ACTR8: variants seen among roughly 807,000 people sequenced by gnomAD.
ACTR8 encodes actin-related protein 8.
Under a neutral mutation model 84.3 loss-of-function variants are expected in ACTR8, and 70 were observed. The ratio of observed to expected loss-of-function variants is 0.83; its 90% CI spans 0.68 to 1.01. ACTR8 has a LOEUF of 1.01. Ranked by LOEUF, ACTR8 falls within the 50% of genes least tolerant of loss-of-function variation. The pLI is 0.00. For synonymous variants in ACTR8, 268 were observed against 275.2 expected, an observed-to-expected ratio of 0.97 and a Z score of 0.26; for missense variants, 672 against 775.4, an observed-to-expected ratio of 0.87 and a Z score of 1.58.
At chr3:53,874,904 ATCTGAGAAACCCAATACT>A in intron 7 of ACTR8, among the ~76,000 whole-genome samples, 1 of 152,228 alleles carries the variant, frequency 6.6e-6, no homozygotes, top group Non-Finnish European at 1.5e-5. Context: ...TGCAAAATGT[ATCTGAGAAACCCAATACT>A]CACCCATTAA....
rs1434252794 is a variant in ACTR8, at chr3:53,870,582, C to T, written c.1568-437G>A. Among the ~76,000 whole-genome samples, 2 of 152,136 alleles carry T rather than the reference C, an allele frequency of 1.3e-5. No homozygotes were observed. The highest frequency in any genetic ancestry group is 4.8e-5 in the African/African-American group (2 of 41,440). Reference sequence around the variant, plus strand: ...AGGAGAATCACTTGAACCCAGGAGGCAGAGGTTGTGGTGAGCCGCAATCAC... The same window carrying T: ...AGGAGAATCACTTGAACCCAGGAGGTAGAGGTTGTGGTGAGCCGCAATCAC... On this transcript the variant is annotated intron_variant, in intron 11 of 12. Transcript: ENST00000335754. This position sits in a 1 kb window ranked among gnomAD's most constrained non-coding sequence, Gnocchi z 4.1.
At chr3:53,859,280 A>C in the ACTR8 span, 4 of 153,434 alleles carry the variant, frequency 2.6e-5, no homozygotes, top group East Asian at 7.7e-4. Flanking sequence ...CTAGTGCCTG[A>C]GAACAGCATG....
chr3:53,876,560 T>C, intron 6 of ACTR8, 60 bp downstream of exon 6: 1 of 937,482 alleles, frequency 1.1e-6, no homozygotes, highest in Non-Finnish European at 1.7e-6. Context: ...TAAGATTAAC[T>C]CTGTCATTAA....
At chr3:53,881,317 C>T (rs1393695306) in intron 1 of ACTR8, among the ~76,000 whole-genome samples, 1 of 152,186 alleles carries the variant, frequency 6.6e-6, no homozygotes, top group African/African-American at 2.4e-5. Flanking sequence ...TACGTGAATG[C>T]TGTTTTAGTT....
intron 8 of ACTR8, among the ~76,000 whole-genome samples, chr3:53,873,527 CATTG>C (rs879769021): frequency 2.0e-5 from 3 of 152,178 alleles, no homozygotes; most frequent in African/African-American, 4.8e-5. Flanking sequence ...AATGATTAAA[CATTG>C]ATTGTTTGCA....
intron 7 of ACTR8, 139 bp from the exon 8 acceptor site, chr3:53,874,503 T>C: frequency 1.2e-6 from 1 of 816,142 alleles, no homozygotes; most frequent in South Asian, 2.1e-5. Flanking sequence ...GATGAGCAGA[T>C]CACTTGAGGC....
At chr3:53,877,487 G>A (rs1433813747) in intron 4 of ACTR8, 100 bp from the exon 5 acceptor site, 1 of 1,368,820 alleles carries the variant, frequency 7.3e-7, no homozygotes, top group African/African-American at 1.5e-5. Flanking sequence ...CTGAATGTGA[G>A]AAATGTTGAG....
rs1279099158 is a variant in ACTR8, at chr3:53,880,006, G to A, written c.227C>T (p.Ala76Val). 3 of 1,614,134 alleles carry A rather than the reference G, an allele frequency of 1.9e-6. No homozygotes were observed. Among genetic ancestry groups the A allele is most frequent in the Non-Finnish European group, 2.5e-6 (3 of 1,180,002 alleles). Residue 76 changes from alanine to valine, a missense_variant, in exon 2 of 13, where the codon GCC becomes GTC. By Grantham distance (64) the Ala-to-Val change is moderately conservative. Transcript: ENST00000335754. The part of the protein sequence containing the change: ...TLPASIPHVI[A>V]RRHKQQGQPL... ...CTGCCCTTGTTGTTTGTGTCTTCGG[G>A]CAATGACGTGAGGAATGCTGGCAGG...
intron 5 of ACTR8, 141 bp downstream of exon 5, chr3:53,877,073 T>A: frequency 1.4e-6 from 1 of 730,646 alleles, no homozygotes; most frequent in Non-Finnish European, 2.0e-6. Flanking sequence ...AGAAAAGACA[T>A]CCTCATGCCA....
At chr3:53,862,998 G>GC (rs1699620502), downstream of ACTR8, among the ~76,000 whole-genome samples, 1 of 152,084 alleles carries the variant, frequency 6.6e-6, no homozygotes, top group Non-Finnish European at 1.5e-5. Flanking sequence ...TTCCTCGTCA[G>GC]CCTACTCAAC....
chr3:53,876,510 C>A (rs886732906), intron 6 of ACTR8, 110 bp downstream of exon 6: 21 of 711,996 alleles, frequency 2.9e-5, no homozygotes, highest in Non-Finnish European at 2.3e-6. Context: ...CAGAGAGAGA[C>A]TCTGTCTCAA....
intron 1 of ACTR8, chr3:53,881,555 A>T (rs1215585686): frequency 7.8e-6 from 2 of 255,694 alleles, no homozygotes; most frequent in African/African-American, 4.7e-5. Flanking sequence ...CTGGACCCCA[A>T]ACTATCCCTT....
Position 53,874,291 on chromosome 3 carries a change from A to G in ACTR8, c.985T>C (p.Tyr329His), listed in dbSNP as rs1699934236. 1.9e-6 allele frequency: 3 copies of G among 1,614,182 alleles called. No individual in the cohort carries two copies. In the South Asian group the frequency reaches 3.3e-5, roughly 18 times the overall value. ...YWLMQRAGFP[Y>H]RECQLTNKMD... ...TTATTTGTTAACTGGCATTCTCTGT[A>G]AGGGAACCCAGCTCGCTGCATTAGC... The change falls in exon 8 of 13, where the codon TAC (tyrosine) becomes CAC (histidine). Residue 329 changes from tyrosine to histidine, a missense_variant. Physicochemically the swap from Tyr to His is moderately conservative, Grantham distance 83. Transcript: ENST00000335754.
Position 53,879,926 on chromosome 3 carries a change from GT to G in ACTR8, c.294+12del, listed in dbSNP as rs758567679. The G allele has an allele frequency of 1.7e-5, 27 of 1,598,248 alleles. No homozygotes were observed. The South Asian group carries it at 2.6e-4, about 15-fold the overall frequency. On this transcript the variant is annotated intron_variant, in intron 2 of 12. Coordinates refer to ENST00000335754, the MANE Select transcript of ACTR8 (RefSeq NM_022899.5). Reference sequence around the variant, plus strand: ...CAACCTTAGGCTTTCTCTCCAGGTCGTTTTTGACTTACATTTAGTCCCTCCC... The same window carrying G: ...CAACCTTAGGCTTTCTCTCCAGGTCGTTTTGACTTACATTTAGTCCCTCCC...
chr3:53,879,206 C>G (rs1700023830), intron 2 of ACTR8, among the ~76,000 whole-genome samples: 1 of 152,072 alleles, frequency 6.6e-6, no homozygotes, highest in Non-Finnish European at 1.5e-5. Flanking sequence ...ATTATAAGAT[C>G]CAAAGATAAA....
chr3:53,862,216 G>A (rs1264190232), downstream of ACTR8, among the ~76,000 whole-genome samples: 1 of 152,146 alleles, frequency 6.6e-6, no homozygotes, highest in African/African-American at 2.4e-5. Flanking sequence ...AAAGTCCTCA[G>A]AGTGGTCTCC....
rs1475401403 is a variant in ACTR8 at position 53,868,647 on chromosome 3, C to T, written c.*72G>A. The T allele has an allele frequency of 1.3e-6, 2 of 1,569,468 alleles. No homozygotes were observed. Among genetic ancestry groups the T allele is most frequent in the African/African-American group, 1.4e-5 (1 of 73,402 alleles). On this transcript the variant is annotated 3_prime_UTR_variant, in exon 13 of 13. Transcript: ENST00000335754. ...GCATCCAGATCAATAAATTACAATA[C>T]ACATATTCTGTAAGAGTCTTTTATA...
At chr3:53,876,194 G>T in intron 6 of ACTR8, 114 bp from the exon 7 acceptor site, 1 of 1,283,370 alleles carries the variant, frequency 7.8e-7, no homozygotes, top group South Asian at 1.4e-5. Flanking sequence ...GGGCATCTGA[G>T]GAACACTGAT....
chr3:53,872,944 A>G (rs757358152), intron 9 of ACTR8, 88 bp downstream of exon 9: 45 of 1,069,818 alleles, frequency 4.2e-5, no homozygotes, highest in Non-Finnish European at 6.2e-5. Context: ...CTGATCTCAC[A>G]ATGTTTCCAG....
Sources: gnomAD v4.1 joint callset for allele counts (sites outside exome capture counted in the v4.1 genomes callset) on GRCh38, gnomAD v4.1.1 for gene constraint, Gnocchi (gnomAD v3.1) non-coding constraint, MANE v1.5 for transcripts, NCBI Gene and HGNC (gene_info 2026-07-23, HGNC 2026-07-21) for gene names.